The following FBXO9 variants were observed in gnomAD, a reference collection of about 807,000 sequenced individuals.
The protein encoded by FBXO9 is F-box only protein 9.
A neutral mutation model predicts 63.7 loss-of-function variants in FBXO9; 43 were observed. That is an observed-to-expected ratio of 0.67 (90% confidence interval 0.53 to 0.87). The LOEUF is 0.87. FBXO9 is among the 40% of genes least tolerant of loss of function. The probability of loss-of-function intolerance (pLI) is 0.00; values close to 1 mark genes in which losing one functional copy is unlikely to be tolerated. For synonymous variants in FBXO9, 156 were observed against 171.7 expected (o/e 0.91, Z 0.72); for missense variants, 442 against 533.2 (o/e 0.83, Z 1.68).
In FBXO9 at chr6:53,098,049, G is replaced by A. The variant is rs926641905; in HGVS notation, c.*219G>A. 1.1e-5 allele frequency: 2 copies of A among 189,452 alleles called. No homozygotes were observed. The highest frequency in any genetic ancestry group is 2.2e-5 in the Non-Finnish European group (2 of 89,284). 11.7% of individuals were successfully genotyped at this position (189,452 alleles called of 1,614,324 possible). ...AAATTGATTATTTTTTTTATTTAAA[G>A]GGATAGTTGATTCCTGGGGTGTTTT... is the stretch of plus-strand genomic sequence containing the variant. On this transcript the variant is annotated 3_prime_UTR_variant, in exon 13 of 13. Coordinates refer to ENST00000323557, the MANE Select transcript of FBXO9 (RefSeq NM_033480.3).
At chr6:53,083,616 G>A (rs1769382486) in intron 7 of FBXO9, among the ~76,000 whole-genome samples, 1 of 152,208 alleles carries the variant, frequency 6.6e-6, no homozygotes, top group South Asian at 2.1e-4. Context: ...TTCTTGGGCA[G>A]ATGTCCTTGC....
intron 1 of FBXO9, among the ~76,000 whole-genome samples, chr6:53,069,629 C>A (rs900819489): frequency 6.6e-6 from 1 of 152,194 alleles, no homozygotes; most frequent in Non-Finnish European, 1.5e-5. Flanking sequence ...TTTATTGACA[C>A]CTCAGCAAAA....
chr6:53,092,574 A>G, intron 8 of FBXO9, 27 bp downstream of exon 8: 2 of 1,566,402 alleles, frequency 1.3e-6, no homozygotes, highest in Non-Finnish European at 1.8e-6. Context: ...AGAACTCAGC[A>G]GAAATACTGA....
At chr6:53,096,197 C>T (rs1320705669) in intron 12 of FBXO9, among the ~76,000 whole-genome samples, 2 of 152,124 alleles carry the variant, frequency 1.3e-5, no homozygotes, top group African/African-American at 4.8e-5. Flanking sequence ...TAGCATTTAC[C>T]TGTACATCAT....
At position 53,078,846 on chromosome 6, in the gene FBXO9, T is replaced by G; in HGVS notation, c.355T>G (p.Phe119Val). The part of the protein sequence containing the change: ...RAMQLVPDIE[F>V]KITYTRSPDG... ...TATGCAACTTGTACCTGATATAGAG[T>G]TCAAGATTACTTATACCCGGTCTCC... The change falls in exon 5 of 13, where the codon TTC (phenylalanine) becomes GTC (valine). Residue 119 changes from phenylalanine (F) to valine (V), a missense_variant. By Grantham distance (50) the Phe-to-Val change is conservative. Coordinates refer to ENST00000323557, the MANE Select transcript of FBXO9 (RefSeq NM_033480.3). 6.2e-7 allele frequency: 1 copy of G among 1,613,856 alleles called. No homozygotes were observed. Among genetic ancestry groups the G allele is most frequent in the Non-Finnish European group, 8.5e-7 (1 of 1,179,824 alleles).
At chr6:53,066,797 A>T (rs973923636) in intron 1 of FBXO9, among the ~76,000 whole-genome samples, 1 of 152,206 alleles carries the variant, frequency 6.6e-6, no homozygotes, top group African/African-American at 2.4e-5. Flanking sequence ...TGAAGGTGAT[A>T]TTTAGGTCAA....
chr6:53,075,218 C>G (rs867387753), intron 3 of FBXO9, among the ~76,000 whole-genome samples: 1 of 151,796 alleles, frequency 6.6e-6, no homozygotes, highest in Non-Finnish European at 1.5e-5. Flanking sequence ...TCACTGCAAC[C>G]TCTGCCTCCC....
intron 6 of FBXO9, among the ~76,000 whole-genome samples, chr6:53,082,026 A>G (rs1289660680): frequency 6.6e-6 from 1 of 152,178 alleles, no homozygotes; most frequent in Non-Finnish European, 1.5e-5. Flanking sequence ...CTGAGATTGT[A>G]TCACTGCACT....
At chr6:53,073,842 C>T (rs572891415) in intron 3 of FBXO9, 1 of 404,138 alleles carries the variant, frequency 2.5e-6, no homozygotes, top group East Asian at 3.9e-5. Flanking sequence ...ACTACTCCTG[C>T]ATGGCTTTTT....
At chr6:53,070,427 A>C (rs1187286118) in intron 1 of FBXO9, among the ~76,000 whole-genome samples, 1 of 152,238 alleles carries the variant, frequency 6.6e-6, no homozygotes, top group Non-Finnish European at 1.5e-5. Flanking sequence ...ATTTATGAAT[A>C]GTAATAGACT....
chr6:53,073,718 G>A (rs1241089052), intron 3 of FBXO9, 79 bp downstream of exon 3: 7 of 1,229,130 alleles, frequency 5.7e-6, no homozygotes, highest in East Asian at 2.6e-5. Flanking sequence ...CAGTAAGTAG[G>A]CATTATAACC....
chr6:53,092,622 T>G, intron 8 of FBXO9, 75 bp downstream of exon 8: 3 of 1,456,422 alleles, frequency 2.1e-6, no homozygotes, highest in South Asian at 2.3e-5. Flanking sequence ...CCGTTTAAAT[T>G]TTCTGTGATG....
intron 7 of FBXO9, among the ~76,000 whole-genome samples, chr6:53,090,277 T>C (rs1364288613): frequency 2.0e-5 from 3 of 152,242 alleles, no homozygotes; most frequent in African/African-American, 7.2e-5. Flanking sequence ...CTTATTTTCA[T>C]GGCCTTTCCC....
Position 53,099,009 on chromosome 6 carries a change from A to G in FBXO9, c.*1179A>G, listed in dbSNP as rs1253687828. The G allele has an allele frequency of 2.6e-5, 4 of 152,216 alleles. No individual in the cohort carries two copies. Among genetic ancestry groups the G allele is most frequent in the African/African-American group, 7.2e-5 (3 of 41,436 alleles). The allele number at this position is 152,216 out of a possible 1,614,324, so 9.4% of individuals were successfully genotyped here. A position where few individuals can be genotyped will look rare whatever the true frequency, so the allele number is the denominator to read the frequency against. On this transcript the variant is annotated 3_prime_UTR_variant, in exon 13 of 13. Transcript: ENST00000323557. ...AATTCTCATGTACTTTCAGAAATCA[A>G]TATCTGCAGCCACTGTTACTTTTAA...
chr6:53,076,032 C>T (rs1769097148), intron 3 of FBXO9, among the ~76,000 whole-genome samples: 1 of 152,140 alleles, frequency 6.6e-6, no homozygotes, highest in Admixed American at 6.5e-5. Flanking sequence ...GCGTGAGCCA[C>T]CGCGCCCAGC....
chr6:53,094,190 A>G (rs916159371), intron 11 of FBXO9, among the ~76,000 whole-genome samples: 2 of 152,164 alleles, frequency 1.3e-5, no homozygotes, highest in African/African-American at 4.8e-5. Context: ...GTTTTTTACC[A>G]GATAGTTTGT....
At chr6:53,065,976 G>C (rs1768684216) in intron 1 of FBXO9, 184 bp downstream of exon 1, 1 of 1,171,910 alleles carries the variant, frequency 8.5e-7, no homozygotes, top group Admixed American at 4.2e-5. Flanking sequence ...TGCCAACCCT[G>C]GCTTCTCCCC....
chr6:53,077,472 C>CAAAAAAAAAAA (rs1173539613), intron 4 of FBXO9, among the ~76,000 whole-genome samples: 1 of 70,454 alleles, frequency 1.4e-5, no homozygotes, highest in Non-Finnish European at 2.5e-5. Context: ...GACTCCGTCT[C>CAAAAAAAAAAA]AAAAAAAAAA....
chr6:53,093,869 G>GTTTT lies in FBXO9; in HGVS notation c.960-7_960-4dup. On this transcript the variant is annotated splice_polypyrimidine_tract_variant and intron_variant, in intron 10 of 12. Coordinates refer to ENST00000323557, the MANE Select transcript of FBXO9 (RefSeq NM_033480.3). Reference sequence around the variant, plus strand: ...TTAATAACTGATTTAGATTCAATTTGTTTTTTTTTTTTAAGGACTGATGCA... The same window carrying GTTTT: ...TTAATAACTGATTTAGATTCAATTTGTTTTTTTTTTTTTTTTAAGGACTGATGCA... The GTTTT allele has an allele frequency of 6.1e-6, 8 of 1,317,200 alleles. No homozygotes were observed. Among genetic ancestry groups the GTTTT allele is most frequent in the Middle Eastern group, 1.9e-4 (1 of 5,282 alleles). 81.6% of individuals were successfully genotyped at this position (1,317,200 alleles called of 1,614,324 possible).
Sources: allele counts gnomAD v4.1 joint callset (sites outside exome capture counted in the v4.1 genomes callset), GRCh38; gene constraint gnomAD v4.1.1; transcripts MANE v1.5; gene names NCBI Gene and HGNC (gene_info 2026-07-23, HGNC 2026-07-21).